Variants in MRPS31 observed in about 807,000 individuals in gnomAD.
The protein encoded by MRPS31 is small ribosomal subunit protein mS31.
In MRPS31, 32 loss-of-function variants were observed where a neutral mutation model predicts 43.1. That is an observed-to-expected ratio of 0.74 (90% CI 0.56 to 1.00). The LOEUF is 1.00. MRPS31 is among the 50% of genes least tolerant of loss of function. The probability of loss-of-function intolerance (pLI) is 0.00; values close to 1 mark genes in which losing one functional copy is unlikely to be tolerated. For missense variants in MRPS31, 437 were observed against 466.7 expected (o/e 0.94, Z 0.59); for synonymous variants, 165 against 161.6 (o/e 1.02, Z -0.16).
chr13:40,748,929 ACTT>A (rs1880312759), intron 6 of MRPS31, among the ~76,000 whole-genome samples: 1 of 152,174 alleles, frequency 6.6e-6, no homozygotes, highest in Non-Finnish European at 1.5e-5. Context: ...ATATAGTTTT[ACTT>A]CTTCATTTTT....
At chr13:40,768,861 C>G (rs1006514350) in intron 1 of MRPS31, among the ~76,000 whole-genome samples, 5 of 152,176 alleles carry the variant, frequency 3.3e-5, no homozygotes, top group African/African-American at 1.2e-4. Context: ...TTACTTAATC[C>G]TTACACTTTA....
chr13:40,733,001 T>G (rs1286173353), intron 6 of MRPS31, among the ~76,000 whole-genome samples: 5 of 142,752 alleles, frequency 3.5e-5, no homozygotes, highest in Admixed American at 2.1e-4. Flanking sequence ...TTGGTTTTTT[T>G]TTTTTTTTTT....
At chr13:40,741,966 T>C (rs1880111230) in intron 6 of MRPS31, among the ~76,000 whole-genome samples, 1 of 148,654 alleles carries the variant, frequency 6.7e-6, no homozygotes, top group Non-Finnish European at 1.5e-5. Flanking sequence ...TATGCTCCCA[T>C]ACAAGTCAAA....
chr13:40,769,954 A>T (rs767451156), intron 1 of MRPS31, among the ~76,000 whole-genome samples: 1 of 152,166 alleles, frequency 6.6e-6, no homozygotes, highest in Non-Finnish European at 1.5e-5. Flanking sequence ...CCTCTTTCAG[A>T]CTGACTTTCC....
chr13:40,733,134 G>C (rs1879756918), intron 6 of MRPS31, among the ~76,000 whole-genome samples: 1 of 150,802 alleles, frequency 6.6e-6, no homozygotes, highest in Admixed American at 6.7e-5. Context: ...CTCCTGAGTA[G>C]CTGGGATTAC....
At chr13:40,740,083 A>C (rs1287504429) in intron 6 of MRPS31, among the ~76,000 whole-genome samples, 2 of 151,238 alleles carry the variant, frequency 1.3e-5, no homozygotes, top group Non-Finnish European at 3.0e-5. Context: ...GAACTCAAGC[A>C]AATTTACAAG....
chr13:40,769,374 ATATATATATATATAT>A (rs1880940233), intron 1 of MRPS31, among the ~76,000 whole-genome samples: 1 of 1,928 alleles, frequency 5.2e-4, no homozygotes, highest in Admixed American at 2.8e-3. Context: ...GACTCTGTCC[ATATATATATATATAT>A]ATATATATAT....
Position 40,740,813 on chromosome 13 carries a change from C to T in MRPS31, c.958+8325G>A, listed in dbSNP as rs961919913. Among the ~76,000 whole-genome samples the T allele has an allele frequency of 2.1e-5, 3 of 144,658 alleles. No individual in the cohort carries two copies. The Admixed American group carries it at 2.1e-4, about 10-fold the overall frequency. 94.9% of individuals were successfully genotyped at this position (144,658 alleles called of 152,430 possible). The stretch of plus-strand genomic sequence containing the variant: ...GGGTGGGGGGAGGGGGGAGGGATAG[C>T]ACTGGGAGATATACCTAATGCTAGA... On this transcript the variant is annotated intron_variant, in intron 6 of 6. Coordinates refer to ENST00000323563, the MANE Select transcript of MRPS31 (RefSeq NM_005830.4).
chr13:40,766,123 T>C (rs1880836976), intron 2 of MRPS31, among the ~76,000 whole-genome samples: 1 of 152,226 alleles, frequency 6.6e-6, no homozygotes, highest in Non-Finnish European at 1.5e-5. Context: ...ATATTGTTAA[T>C]TAACAGCTTA....
intron 3 of MRPS31, among the ~76,000 whole-genome samples, chr13:40,757,874 G>C (rs1472229108): frequency 1.3e-4 from 19 of 150,846 alleles, no homozygotes; most frequent in Admixed American, 1.3e-3. Context: ...CGGGTGCAGT[G>C]GCTCACGCCT....
intron 2 of MRPS31, among the ~76,000 whole-genome samples, chr13:40,759,428 A>T (rs1880630098): frequency 6.6e-6 from 1 of 152,078 alleles, no homozygotes; most frequent in Non-Finnish European, 1.5e-5. Flanking sequence ...ACAGAGCGAG[A>T]CTCTGTCTCA....
intron 6 of MRPS31, among the ~76,000 whole-genome samples, chr13:40,743,233 T>G (rs1880151293): frequency 6.6e-6 from 1 of 151,574 alleles, no homozygotes; most frequent in Non-Finnish European, 1.5e-5. Context: ...GAGAATCACT[T>G]GAACCCAAGA....
chr13:40,729,627 C>G (rs746846372), intron 6 of MRPS31, 26 bp from the exon 7 acceptor site: 71 of 1,354,846 alleles, frequency 5.2e-5, no homozygotes, highest in Non-Finnish European at 7.1e-5. Flanking sequence ...AAATACATTA[C>G]ATTATAATTT....
intron 6 of MRPS31, chr13:40,731,285 G>A (rs1449191619): frequency 6.4e-6 from 1 of 157,352 alleles, no homozygotes; most frequent in Non-Finnish European, 1.3e-5. Context: ...AGAAAAGACA[G>A]AGGAGGCCGG....
chr13:40,732,994 GTTTTTTTTT>G (rs1159862645), intron 6 of MRPS31, among the ~76,000 whole-genome samples: 9 of 84,536 alleles, frequency 1.1e-4, no homozygotes, highest in East Asian at 1.0e-3. Context: ...AATGCATTTG[GTTTTTTTTT>G]TTTTTTTTTT....
chr13:40,739,390 T>TC (rs1880015534), intron 6 of MRPS31, among the ~76,000 whole-genome samples: 2 of 152,070 alleles, frequency 1.3e-5, no homozygotes, highest in African/African-American at 4.8e-5. Context: ...TTCAATGCCA[T>TC]CCCCATCAAG....
At chr13:40,735,312 G>T (rs539401996) in intron 6 of MRPS31, among the ~76,000 whole-genome samples, 1 of 152,352 alleles carries the variant, frequency 6.6e-6, no homozygotes, top group South Asian at 2.1e-4. Context: ...TGCTAGCACA[G>T]CAGTCTGAGA....
At chr13:40,733,493 A>G (rs1234772062) in intron 6 of MRPS31, among the ~76,000 whole-genome samples, 2 of 152,240 alleles carry the variant, frequency 1.3e-5, no homozygotes, top group Non-Finnish European at 1.5e-5. Context: ...GATTAAAATT[A>G]TCTAATAATG....
chr13:40,761,315 T>C (rs1369039552), intron 2 of MRPS31, among the ~76,000 whole-genome samples: 1 of 150,310 alleles, frequency 6.7e-6, no homozygotes, highest in African/African-American at 2.4e-5. Context: ...TAAAATAAAA[T>C]GTGCTTTTAA....
Sources: gnomAD v4.1 joint callset for allele counts (sites outside exome capture counted in the v4.1 genomes callset) on GRCh38, gnomAD v4.1.1 for gene constraint, MANE v1.5 for transcripts, NCBI Gene and HGNC (gene_info 2026-07-23, HGNC 2026-07-21) for gene names.